The following POU5F2 variants were observed in gnomAD, a reference collection of about 807,000 sequenced individuals.
The protein encoded by POU5F2 is POU domain, class 5, transcription factor 2.
For missense variants in POU5F2, 401 were observed against 426.6 expected, an observed-to-expected ratio of 0.94 and a Z score of 0.53; for synonymous variants, 191 against 178.7, an observed-to-expected ratio of 1.07 and a Z score of -0.55.
rs1424448944 is a variant in POU5F2 at position 93,737,350 on chromosome 5, A to G, written c.*3227T>C. On this transcript the variant is annotated 3_prime_UTR_variant, in exon 1 of 1. Transcript: ENST00000606183. ...GAAGACTTAAAATTGCTAAGATGAC[A>G]ACACTCCCTAAAGCAATATGAGGGT... 4 of 152,160 alleles carry G rather than the reference A, an allele frequency of 2.6e-5. No homozygotes were observed. The highest frequency in any genetic ancestry group is 5.9e-5 in the Non-Finnish European group (4 of 68,028). The allele number at this position is 152,160 out of a possible 1,614,324, so 9.4% of individuals were successfully genotyped here.
rs1358411973 is a variant in POU5F2 at position 93,733,881 on chromosome 5, A to T, written c.*6696T>A. On this transcript the variant is annotated 3_prime_UTR_variant, in exon 1 of 1. Coordinates refer to ENST00000606183, the MANE Select transcript of POU5F2 (RefSeq NM_153216.2). ...TGCATTCTGAAAAGAATTAATCTTGAATAGATTTTGCCAAGAAAACCAATA... is the reference window on the plus strand; with the variant it reads ...TGCATTCTGAAAAGAATTAATCTTGTATAGATTTTGCCAAGAAAACCAATA... The T allele has an allele frequency of 6.6e-6, 1 of 152,240 alleles. No individual in the cohort carries two copies. The highest frequency in any genetic ancestry group is 1.5e-5 in the Non-Finnish European group (1 of 68,036). The allele number at this position is 152,240 out of a possible 1,614,324, so 9.4% of individuals were successfully genotyped here. A position where few individuals can be genotyped will look rare whatever the true frequency, so the allele number is the denominator to read the frequency against.
In POU5F2 at chr5:93,741,286, C is replaced by T. The variant is rs926584272; in HGVS notation, c.278G>A (p.Arg93Gln). 3 of 1,613,716 alleles carry T rather than the reference C, an allele frequency of 1.9e-6. No individual in the cohort carries two copies. Among genetic ancestry groups the T allele is most frequent in the East Asian group, 2.2e-5 (1 of 44,858 alleles). Reference protein sequence around the residue: ...LGASEAGDWLRRPSEGALPGP... With the variant: ...LGASEAGDWLQRPSEGALPGP... The stretch of plus-strand genomic sequence containing the variant: ...CGGGAGGGCGCCTTCGGAGGGGCGT[C>T]GCAACCAGTCCCCTGCCTCACTAGC... Residue 93 changes from arginine (R) to glutamine (Q), a missense_variant, in exon 1 of 1, where the codon CGA becomes CAA. Arg to Gln is a conservative substitution (Grantham distance 43). Coordinates refer to ENST00000606183, the MANE Select transcript of POU5F2 (RefSeq NM_153216.2).
rs1328250978 is a variant in POU5F2, at chr5:93,738,488, T to G, written c.*2089A>C. On this transcript the variant is annotated 3_prime_UTR_variant, in exon 1 of 1. Transcript: ENST00000606183. Reference sequence around the variant, plus strand: ...TGAAACAACAGATAAACAAATAGATTATTATATGTAAATGTTCATAGCAGT... The same window carrying G: ...TGAAACAACAGATAAACAAATAGATGATTATATGTAAATGTTCATAGCAGT... 2.0e-5 allele frequency: 3 copies of G among 152,208 alleles called. No individual in the cohort carries two copies. The highest frequency in any genetic ancestry group is 4.4e-5 in the Non-Finnish European group (3 of 68,052). The allele number at this position is 152,208 out of a possible 1,614,324, so 9.4% of individuals were successfully genotyped here.
Position 93,737,510 on chromosome 5 carries a change from G to A in POU5F2, c.*3067C>T, listed in dbSNP as rs1747464236. The A allele has an allele frequency of 6.6e-6, 1 of 152,544 alleles. No individual in the cohort carries two copies. Among genetic ancestry groups the A allele is most frequent in the Non-Finnish European group, 1.5e-5 (1 of 68,560 alleles). The allele number at this position is 152,544 out of a possible 1,614,324, so 9.4% of individuals were successfully genotyped here. Reference sequence around the variant, plus strand: ...ATATACATATGGCATGTATATATATGCCATATATATATACGTGCCATATAT... The same window carrying A: ...ATATACATATGGCATGTATATATATACCATATATATATACGTGCCATATAT... On this transcript the variant is annotated 3_prime_UTR_variant, in exon 1 of 1. Transcript: ENST00000606183.
Position 93,740,705 on chromosome 5 carries a change from C to T in POU5F2, c.859G>A (p.Gly287Arg), listed in dbSNP as rs1028022172. Residue 287 changes from glycine to arginine, a missense_variant, in exon 1 of 1, where the codon GGA becomes AGA. Transcript: ENST00000606183. ...CCCAGGTGAAAGCACACTGGTGCTC[C>T]TGGGCAAGGAGGCCCGGCTGTCCCC... ...IVGTAGPPCP[G>R]APVCFHLGLG... 9 of 1,613,616 alleles carry T rather than the reference C, an allele frequency of 5.6e-6. No individual in the cohort carries two copies. The highest frequency in any genetic ancestry group is 3.3e-4 in the Middle Eastern group (2 of 6,084).
At position 93,741,284 on chromosome 5, in the gene POU5F2, G is replaced by A. The variant is rs980026131; in HGVS notation, c.280C>T (p.Arg94Cys). 43 of 1,613,542 alleles carry A rather than the reference G, an allele frequency of 2.7e-5. No homozygotes were observed. Among genetic ancestry groups the A allele is most frequent in the Non-Finnish European group, 3.4e-5 (40 of 1,179,798 alleles). The change falls in exon 1 of 1, where the codon CGC (arginine) becomes TGC (cysteine). Residue 94 changes from arginine (R) to cysteine (C), a missense_variant. Arg to Cys is a radical substitution (Grantham distance 180, BLOSUM62 -3). Coordinates refer to ENST00000606183, the MANE Select transcript of POU5F2 (RefSeq NM_153216.2). Reference sequence around the variant, plus strand: ...CCCGGGAGGGCGCCTTCGGAGGGGCGTCGCAACCAGTCCCCTGCCTCACTA... The same window carrying A: ...CCCGGGAGGGCGCCTTCGGAGGGGCATCGCAACCAGTCCCCTGCCTCACTA... Reference protein sequence around the residue: ...GASEAGDWLRRPSEGALPGPY... With the variant: ...GASEAGDWLRCPSEGALPGPY...
chr5:93,740,809 T>G lies in POU5F2; in HGVS notation c.755A>C (p.Asp252Ala). ...GTTATAGAACCAAACTCGAACCACA[T>G]CCTTCTGCAGCTGGAGGCACCCAGC... ...HIAGCLQLQK[D>A]VVRVWFYNRS... is the part of the protein sequence containing the mutation. Residue 252 changes from aspartate (D) to alanine (A), a missense_variant, in exon 1 of 1, where the codon GAT (aspartate) becomes GCT (alanine). By Grantham distance (126) the Asp-to-Ala change is moderately radical (BLOSUM62 -2). Transcript: ENST00000606183. 1 of 1,613,500 alleles carries G rather than the reference T, an allele frequency of 6.2e-7. No homozygotes were observed. The highest frequency in any genetic ancestry group is 8.5e-7 in the Non-Finnish European group (1 of 1,179,628).
In POU5F2 at chr5:93,735,388, GCAGCTATGCGGGGGCTGAGATGGA is replaced by G. The variant is rs1421317735; in HGVS notation, c.*5165_*5188del. 1.3e-5 allele frequency: 2 copies of G among 152,270 alleles called. No individual in the cohort carries two copies. The highest frequency in any genetic ancestry group is 4.8e-5 in the African/African-American group (2 of 41,472). 9.4% of individuals were successfully genotyped at this position (152,270 alleles called of 1,614,324 possible). On this transcript the variant is annotated 3_prime_UTR_variant, in exon 1 of 1. Transcript: ENST00000606183. ...GAGGTGGGGCAGCTGTGTCAATGAT[GCAGCTATGCGGGGGCTGAGATGGA>G]CTCTAGGAGCTGTTCCCTGAGATTG... is the stretch of plus-strand genomic sequence containing the variant.
At position 93,735,171 on chromosome 5, in the gene POU5F2, T is replaced by A. The variant is rs1348980431; in HGVS notation, c.*5406A>T. 1 of 152,246 alleles carries A rather than the reference T, an allele frequency of 6.6e-6. No individual in the cohort carries two copies. The highest frequency in any genetic ancestry group is 2.4e-5 in the African/African-American group (1 of 41,466). The allele number at this position is 152,246 out of a possible 1,614,324, so 9.4% of individuals were successfully genotyped here. A position where few individuals can be genotyped will look rare whatever the true frequency, so the allele number is the denominator to read the frequency against. On this transcript the variant is annotated 3_prime_UTR_variant, in exon 1 of 1. Transcript: ENST00000606183. ...AACTCTAAGGGTAGTTATTCTTCTGTTTAAGGGATCTTCTGATTAAAGTTT... is the reference window on the plus strand; with the variant it reads ...AACTCTAAGGGTAGTTATTCTTCTGATTAAGGGATCTTCTGATTAAAGTTT...
Position 93,741,541 on chromosome 5 carries a change from T to C in POU5F2, c.23A>G (p.Asn8Ser), listed in dbSNP as rs373831731. MAGHRPS[N>S]HFCPLPGSGG... ...ACTGCCTGGAAGGGGGCAGAAGTGG[T>C]TTGAGGGCCTGTGTCCGGCCATGGG... Residue 8 changes from asparagine to serine, a missense_variant, in exon 1 of 1, where the codon AAC becomes AGC. Asn to Ser is a conservative substitution (Grantham distance 46). Coordinates refer to ENST00000606183, the MANE Select transcript of POU5F2 (RefSeq NM_153216.2). 10 of 1,587,246 alleles carry C rather than the reference T, an allele frequency of 6.3e-6. No homozygotes were observed. The African/African-American group carries it at 1.2e-4, about 19-fold the overall frequency.
chr5:93,741,180 T>C lies in POU5F2; in HGVS notation c.384A>G (p.Gln128=). Residue 128 remains glutamine, a synonymous_variant, in exon 1 of 1, where the codon CAA becomes CAG. Coordinates refer to ENST00000606183, the MANE Select transcript of POU5F2 (RefSeq NM_153216.2). ...TCTTCTGCCTCAACTCCTTGGCCAA[T>C]TGCTGCAACTCTTTCAGTATGCCCG... is the stretch of plus-strand genomic sequence containing the variant. ...DISGILKELQ[Q]LAKELRQKRL... 4 of 1,613,760 alleles carry C rather than the reference T, an allele frequency of 2.5e-6. No individual in the cohort carries two copies. The highest frequency in any genetic ancestry group is 3.4e-6 in the Non-Finnish European group (4 of 1,179,848).
rs774222267 is a variant in POU5F2, at chr5:93,741,519, G to A, written c.45C>T (p.Gly15=). Residue 15 remains glycine (G), a synonymous_variant, in exon 1 of 1, where the codon GGC becomes GGT. Coordinates refer to ENST00000606183, the MANE Select transcript of POU5F2 (RefSeq NM_153216.2). ...RPSNHFCPLP[G]SGGGGPRGPM... is the part of the protein sequence containing the mutation. Reference sequence around the variant, plus strand: ...GCCCTCTGGGGCCGCCCCCACCACTGCCTGGAAGGGGGCAGAAGTGGTTTG... The same window carrying A: ...GCCCTCTGGGGCCGCCCCCACCACTACCTGGAAGGGGGCAGAAGTGGTTTG... 3.7e-6 allele frequency: 6 copies of A among 1,607,010 alleles called. No individual in the cohort carries two copies. The East Asian group carries it at 8.9e-5, about 24-fold the overall frequency.
rs2149580800 is a variant in POU5F2 at position 93,735,497 on chromosome 5, G to A, written c.*5080C>T. ...CTGCAGAAGAACTGAAGGAGCAGCT[G>A]AGGTCAGTGCCTCTTTACAGCTCTT... On this transcript the variant is annotated 3_prime_UTR_variant, in exon 1 of 1. Coordinates refer to ENST00000606183, the MANE Select transcript of POU5F2 (RefSeq NM_153216.2). The A allele has an allele frequency of 6.6e-6, 1 of 152,344 alleles. No homozygotes were observed. The highest frequency in any genetic ancestry group is 2.1e-4 in the South Asian group (1 of 4,826). 9.4% of individuals were successfully genotyped at this position (152,344 alleles called of 1,614,324 possible).
Position 93,740,825 on chromosome 5 carries a change from G to C in POU5F2, c.739C>G (p.Leu247Val). Reference protein sequence around the residue: ...PQQISHIAGCLQLQKDVVRVW... With the variant: ...PQQISHIAGCVQLQKDVVRVW... ...CGAACCACATCCTTCTGCAGCTGGA[G>C]GCACCCAGCAATGTGGCTGATTTGC... Residue 247 changes from leucine to valine, a missense_variant, in exon 1 of 1, where the codon CTC becomes GTC. Coordinates refer to ENST00000606183, the MANE Select transcript of POU5F2 (RefSeq NM_153216.2). 2 of 1,613,808 alleles carry C rather than the reference G, an allele frequency of 1.2e-6. No individual in the cohort carries two copies. Among genetic ancestry groups the C allele is most frequent in the Non-Finnish European group, 1.7e-6 (2 of 1,179,800 alleles).
Position 93,740,475 on chromosome 5 carries a change from A to C in POU5F2, c.*102T>G. The C allele has an allele frequency of 7.8e-7, 1 of 1,283,264 alleles. No individual in the cohort carries two copies. Among genetic ancestry groups the C allele is most frequent in the African/African-American group, 1.5e-5 (1 of 67,034 alleles). 79.5% of individuals were successfully genotyped at this position (1,283,264 alleles called of 1,614,324 possible). On this transcript the variant is annotated 3_prime_UTR_variant, in exon 1 of 1. Transcript: ENST00000606183. ...TTAACTTCTTTAGACAGTGAATGAGAAATTAATACTAAAAGCCCTCAAATG... is the reference window on the plus strand; with the variant it reads ...TTAACTTCTTTAGACAGTGAATGAGCAATTAATACTAAAAGCCCTCAAATG...
At position 93,737,180 on chromosome 5, in the gene POU5F2, T is replaced by G. The variant is rs767249336; in HGVS notation, c.*3397A>C. 10 of 152,118 alleles carry G rather than the reference T, an allele frequency of 6.6e-5. No individual in the cohort carries two copies. Among genetic ancestry groups the G allele is most frequent in the Non-Finnish European group, 1.3e-4 (9 of 68,016 alleles). 9.4% of individuals were successfully genotyped at this position (152,118 alleles called of 1,614,324 possible). The stretch of plus-strand genomic sequence containing the variant: ...AATTTCAAAAGGAAATGAAGGAAAC[T>G]ATTCCATTTACAGTAGTATCCAAAA... On this transcript the variant is annotated 3_prime_UTR_variant, in exon 1 of 1. Coordinates refer to ENST00000606183, the MANE Select transcript of POU5F2 (RefSeq NM_153216.2).
chr5:93,736,510 G>T lies in POU5F2; in HGVS notation c.*4067C>A, dbSNP rs990283511. The T allele has an allele frequency of 6.6e-6, 1 of 151,994 alleles. No individual in the cohort carries two copies. Among genetic ancestry groups the T allele is most frequent in the Admixed American group, 6.6e-5 (1 of 15,262 alleles). 9.4% of individuals were successfully genotyped at this position (151,994 alleles called of 1,614,324 possible). A position where few individuals can be genotyped will look rare whatever the true frequency, so the allele number is the denominator to read the frequency against. ...TTTAAAACTTATTTTCATCACCCCG[G>T]GTGAGTCATTTACTCTTACACAAAG... On this transcript the variant is annotated 3_prime_UTR_variant, in exon 1 of 1. Transcript: ENST00000606183.
chr5:93,741,389 C>T lies in POU5F2; in HGVS notation c.175G>A (p.Asp59Asn). ...GGACCCAGGGGAATCCTCCACACGT[C>T]AGGGCCTGGGCAGATCCCTGGCCTG... is the stretch of plus-strand genomic sequence containing the variant. ...AVRPGICPGPDVWRIPLGPLP... is the reference protein window; with the variant it reads ...AVRPGICPGPNVWRIPLGPLP... The change falls in exon 1 of 1, where the codon GAC becomes AAC. Residue 59 changes from aspartate (D) to asparagine (N), a missense_variant. Transcript: ENST00000606183. 1.9e-6 allele frequency: 3 copies of T among 1,613,048 alleles called. No individual in the cohort carries two copies. The highest frequency in any genetic ancestry group is 1.1e-5 in the South Asian group (1 of 90,984).
Position 93,741,579 on chromosome 5 carries a change from C to T in POU5F2, c.-16G>A, listed in dbSNP as rs748912839. 4 of 1,504,338 alleles carry T rather than the reference C, an allele frequency of 2.7e-6. No individual in the cohort carries two copies. Among genetic ancestry groups the T allele is most frequent in the East Asian group, 2.4e-5 (1 of 41,560 alleles). 93.2% of individuals were successfully genotyped at this position (1,504,338 alleles called of 1,614,324 possible). ...GTCCGGCCATGGGTGGAATGGCACCCGCAGCGGCTCTGGTAGGAACTGATG... is the reference window on the plus strand; with the variant it reads ...GTCCGGCCATGGGTGGAATGGCACCTGCAGCGGCTCTGGTAGGAACTGATG... On this transcript the variant is annotated 5_prime_UTR_variant, in exon 1 of 1. Transcript: ENST00000606183.
Sources: allele counts gnomAD v4.1 joint callset, GRCh38; gene constraint gnomAD v4.1.1; transcripts MANE v1.5; gene names NCBI Gene and HGNC (gene_info 2026-07-23, HGNC 2026-07-21).